Variants in SEC14L1 observed in about 807,000 individuals in gnomAD.
The protein encoded by SEC14L1 is SEC14-like protein 1.
SEC14L1 carries 48 observed loss-of-function variants against 85.3 expected under a neutral mutation model. That is an observed-to-expected ratio of 0.56 (90% confidence interval 0.45 to 0.72). The LOEUF (loss-of-function observed/expected upper bound fraction) is 0.72. SEC14L1 is among the 30% of genes least tolerant of loss of function. SEC14L1 has a pLI of 0.00. For synonymous variants in SEC14L1, 391 were observed against 355.5 expected (o/e 1.10, Z -1.12); for missense variants, 682 against 921.4 (o/e 0.74, Z 3.36).
At chr17:77,179,459 A>T (rs916433797) in intron 3 of SEC14L1, among the ~76,000 whole-genome samples, 6 of 152,096 alleles carry the variant, frequency 3.9e-5, no homozygotes, top group Non-Finnish European at 8.8e-5. Flanking sequence ...AAAGAAACCC[A>T]ACCTTTTTTG....
Position 77,209,431 on chromosome 17 carries a change from G to A in SEC14L1, c.1566G>A (p.Glu522=). ...ACGAAGACCTGAAGCTCTGGACTGA[G>A]ACCATCTACCAGTCTGCAAGCGTCT... ...LENEDLKLWT[E]TIYQSASVFK... is the part of the protein sequence containing the mutation. Residue 522 remains glutamate (E), a synonymous_variant, in exon 14 of 17, where the codon GAG becomes GAA. Coordinates refer to ENST00000436233, the MANE Select transcript of SEC14L1 (RefSeq NM_001143998.2). 6.2e-7 allele frequency: 1 copy of A among 1,614,186 alleles called. No individual in the cohort carries two copies. The highest frequency in any genetic ancestry group is 8.5e-7 in the Non-Finnish European group (1 of 1,180,028).
At chr17:77,099,975 T>C (rs141746777) in intron 3 of SEC14L1, among the ~76,000 whole-genome samples, 118 of 152,346 alleles carry the variant, frequency 7.7e-4, no homozygotes, top group African/African-American at 2.7e-3. Context: ...AAATTTTTTT[T>C]CCCAAAGTAA....
intron 13 of SEC14L1, among the ~76,000 whole-genome samples, chr17:77,208,972 T>G (rs998464703): frequency 1.3e-5 from 2 of 151,404 alleles, no homozygotes; most frequent in African/African-American, 2.4e-5. Context: ...ATAATGCCTG[T>G]GGCTATTGAG....
upstream of SEC14L1, among the ~76,000 whole-genome samples, chr17:77,137,619 A>G (rs897105537): frequency 3.3e-5 from 5 of 150,644 alleles, no homozygotes; most frequent in African/African-American, 1.2e-4. Flanking sequence ...ATGAGGAATA[A>G]GACCACCTGC....
At chr17:77,161,690 C>A (rs973289926) in intron 3 of SEC14L1, among the ~76,000 whole-genome samples, 5 of 144,094 alleles carry the variant, frequency 3.5e-5, no homozygotes, top group African/African-American at 7.7e-5. Context: ...GAATCCAAAT[C>A]AGCTGGGTCC....
rs1053106316 is a variant in SEC14L1 at position 77,214,361 on chromosome 17, C to G, written c.*338C>G. ...TGATGCAAAAAATTTTTCCAACGAA[C>G]TCCGCATTGTCCATTAGTGAATGAA... On this transcript the variant is annotated 3_prime_UTR_variant, in exon 17 of 17. Transcript: ENST00000436233. 5 of 1,066,408 alleles carry G rather than the reference C, an allele frequency of 4.7e-6. No individual in the cohort carries two copies. The highest frequency in any genetic ancestry group is 5.7e-6 in the Non-Finnish European group (5 of 879,052). 66.1% of individuals were successfully genotyped at this position (1,066,408 alleles called of 1,614,324 possible). A position where few individuals can be genotyped will look rare whatever the true frequency, so the allele number is the denominator to read the frequency against.
intron 3 of SEC14L1, among the ~76,000 whole-genome samples, chr17:77,186,351 C>T (rs964806236): frequency 1.3e-5 from 2 of 152,238 alleles, no homozygotes; most frequent in Admixed American, 6.5e-5. Context: ...CTCTCCGCCT[C>T]GCTGGCTGTG....
rs945580079 is a variant in SEC14L1, at chr17:77,195,117, G to C, written c.709+206G>C. ...TTATTAGATTTTTTGTTAATAGGAA[G>C]GATTATATCAAGTTATTTTTATTCT... On this transcript the variant is annotated intron_variant, in intron 7 of 16. Coordinates refer to ENST00000436233, the MANE Select transcript of SEC14L1 (RefSeq NM_001143998.2). 4 of 567,402 alleles carry C rather than the reference G, an allele frequency of 7.0e-6. No homozygotes were observed. In the African/African-American group the frequency reaches 7.5e-5, roughly 11 times the overall value. The allele number at this position is 567,402 out of a possible 1,614,324, so 35.1% of individuals were successfully genotyped here.
At chr17:77,135,254 T>G (rs1443895174) in intron 3 of SEC14L1, among the ~76,000 whole-genome samples, 1 of 152,234 alleles carries the variant, frequency 6.6e-6, no homozygotes, top group African/African-American at 2.4e-5. Flanking sequence ...CTCTTAATAG[T>G]TGGAGTTCTT....
At chr17:77,170,476 A>T (rs1035917191) in intron 3 of SEC14L1, among the ~76,000 whole-genome samples, 2 of 152,190 alleles carry the variant, frequency 1.3e-5, no homozygotes, top group Non-Finnish European at 2.9e-5. Context: ...CAAGGGGTGC[A>T]GTTTGTGCTA....
Position 77,132,851 on chromosome 17 carries a change from CTT to C in SEC14L1, c.-135-9784_-135-9783del, listed in dbSNP as rs10711985. ...TCCCCTAAACTATACCCCAATCCTC[CTT>C]TTTTTTTTTTCTTTTTTCTTTTTTT... On this transcript the variant is annotated intron_variant, in intron 3 of 19. Coordinates refer to the SEC14L1 transcript ENST00000392476. Among the ~76,000 whole-genome samples the C allele has an allele frequency of 6.7e-4, 97 of 145,768 alleles. 1 individual carries two copies. The highest frequency in any genetic ancestry group is 1.4e-3 in the African/African-American group (55 of 39,450).
chr17:77,203,797 G>T (rs976487674), intron 10 of SEC14L1, 139 bp downstream of exon 10: 2 of 645,914 alleles, frequency 3.1e-6, no homozygotes, highest in East Asian at 5.9e-5. Context: ...TATTAATATC[G>T]TCTTAAAATT....
chr17:77,096,740 G>C (rs1031787198), intron 3 of SEC14L1, among the ~76,000 whole-genome samples: 2 of 152,094 alleles, frequency 1.3e-5, no homozygotes, highest in Admixed American at 6.6e-5. Context: ...GTTCTGTTTT[G>C]ATTTGTGTAA....
rs1428421214 is a variant in SEC14L1 at position 77,190,929 on chromosome 17, G to A, written c.190G>A (p.Asp64Asn). 6.2e-7 allele frequency: 1 copy of A among 1,614,218 alleles called. No homozygotes were observed. The highest frequency in any genetic ancestry group is 1.7e-5 in the Admixed American group (1 of 60,024). Residue 64 changes from aspartate to asparagine, a missense_variant, in exon 4 of 17, where the codon GAT (aspartate) becomes AAT (asparagine). By Grantham distance (23) the Asp-to-Asn change is conservative. Transcript: ENST00000436233. ...TGAAAGGCGCTGCAAGCTGGATGTA[G>A]ATGCACCCAGACTGCTGAAGAAGGT... is the stretch of plus-strand genomic sequence containing the variant. ...VIERRCKLDV[D>N]APRLLKKIAG...
At chr17:77,196,085 C>T (rs549384008) in intron 7 of SEC14L1, 117 bp from the exon 8 acceptor site, 21 of 707,884 alleles carry the variant, frequency 3.0e-5, no homozygotes, top group Non-Finnish European at 4.2e-5. Flanking sequence ...GCCATCTCTG[C>T]GGTTTCATGT....
intron 3 of SEC14L1, among the ~76,000 whole-genome samples, chr17:77,106,138 A>G (rs1971909447): frequency 1.3e-5 from 2 of 152,174 alleles, no homozygotes; most frequent in Admixed American, 1.3e-4. Context: ...TCTCGCCTGT[A>G]ATCCCAGCAC....
intron 3 of SEC14L1, among the ~76,000 whole-genome samples, chr17:77,100,334 C>T (rs1222096029): frequency 6.6e-6 from 1 of 150,874 alleles, no homozygotes; most frequent in African/African-American, 2.4e-5. Flanking sequence ...CCCTGCGCTG[C>T]AGTGTGTGCA....
At chr17:77,145,366 A>C (rs930694269) in intron 3 of SEC14L1, among the ~76,000 whole-genome samples, 2 of 152,076 alleles carry the variant, frequency 1.3e-5, no homozygotes, top group African/African-American at 4.8e-5. Flanking sequence ...AGAATCCCTC[A>C]CACCTTTGTG....
intron 3 of SEC14L1, among the ~76,000 whole-genome samples, chr17:77,167,671 C>T (rs1340659106): frequency 1.3e-5 from 2 of 152,178 alleles, no homozygotes; most frequent in Non-Finnish European, 2.9e-5. Flanking sequence ...CTTAGCTCAG[C>T]TAGGTCTGGG....
Sources: gnomAD v4.1 joint callset for allele counts (sites outside exome capture counted in the v4.1 genomes callset) on GRCh38, gnomAD v4.1.1 for gene constraint, MANE v1.5 for transcripts, NCBI Gene and HGNC (gene_info 2026-07-23, HGNC 2026-07-21) for gene names.